WASF2: variants seen among roughly 807,000 people sequenced by gnomAD.
The protein encoded by WASF2 is actin-binding protein WASF2.
Under a neutral mutation model 45.0 loss-of-function variants are expected in WASF2, and 14 were observed. That is an observed-to-expected ratio of 0.31 (90% CI 0.21 to 0.49). The LOEUF is 0.49. Ranked by LOEUF, WASF2 falls within the 20% of genes least tolerant of loss-of-function variation. WASF2 has a pLI of 0.99. For missense variants in WASF2, 439 were observed against 636.1 expected (o/e 0.69, Z 3.33); for synonymous variants, 200 against 236.3 (o/e 0.85, Z 1.41).
At position 27,410,578 on chromosome 1, in the gene WASF2, G is replaced by C. The variant is rs773605222; in HGVS notation, c.825-372C>G. ...CTAAGAAGGATGGTCCATGGCAGTT[G>C]CTAGTTTAATCCTGGAGCCAGTTTA... On this transcript the variant is annotated intron_variant, in intron 7 of 8. Transcript: ENST00000618852. This position sits in a 1 kb window ranked among gnomAD's most constrained non-coding sequence, Gnocchi z 4.2. Among the ~76,000 whole-genome samples the C allele has an allele frequency of 2.0e-5, 3 of 152,142 alleles. No individual in the cohort carries two copies. The highest frequency in any genetic ancestry group is 4.4e-5 in the Non-Finnish European group (3 of 68,026).
intron 1 of WASF2, among the ~76,000 whole-genome samples, chr1:27,487,604 AATAT>A (rs1342453743): frequency 6.9e-5 from 7 of 101,126 alleles, no homozygotes; most frequent in African/African-American, 2.4e-4. Context: ...TATAATATAT[AATAT>A]ATATTATATA....
At position 27,410,749 on chromosome 1, in the gene WASF2, T is replaced by C. The variant is rs917400315; in HGVS notation, c.825-543A>G. 3.3e-5 allele frequency among the ~76,000 whole-genome samples: 5 copies of C among 152,176 alleles called. No individual in the cohort carries two copies. The highest frequency in any genetic ancestry group is 1.2e-4 in the African/African-American group (5 of 41,448). ...ACCACACCTGAGTGGGATATAGATT[T>C]AGGTGAATGCATCTTCAGTGCTCAT... On this transcript the variant is annotated intron_variant, in intron 7 of 8. Coordinates refer to ENST00000618852, the MANE Select transcript of WASF2 (RefSeq NM_006990.5). This position sits in a 1 kb window ranked among gnomAD's most constrained non-coding sequence, Gnocchi z 4.2.
chr1:27,412,132 A>T (rs1244551579), intron 7 of WASF2, among the ~76,000 whole-genome samples: 1 of 152,214 alleles, frequency 6.6e-6, no homozygotes, highest in Non-Finnish European at 1.5e-5. Context: ...AGCAACATAT[A>T]CATACAGTGT....
In WASF2 at chr1:27,405,642, CATAAGTGG is replaced by C. The variant is rs2016661052; in HGVS notation, c.*2539_*2546del. ...TTTTTTTTTTTTTTTGGTGCATATG[CATAAGTGG>C]AGCCCAGAGGGCCTCTCGGCTCACT... On this transcript the variant is annotated 3_prime_UTR_variant, in exon 9 of 9. Transcript: ENST00000618852. 1 of 108,098 alleles carries C rather than the reference CATAAGTGG, an allele frequency of 9.3e-6. No individual in the cohort carries two copies. The highest frequency in any genetic ancestry group is 1.7e-5 in the Non-Finnish European group (1 of 60,062). The allele number at this position is 108,098 out of a possible 1,614,324, so 6.7% of individuals were successfully genotyped here.
In WASF2 at chr1:27,444,317, T is replaced by C. The variant is rs539836201; in HGVS notation, c.-43-15384A>G. Among the ~76,000 whole-genome samples the C allele has an allele frequency of 3.9e-5, 6 of 152,156 alleles. No individual in the cohort carries two copies. The South Asian group carries it at 1.0e-3, about 26-fold the overall frequency. On this transcript the variant is annotated intron_variant, in intron 1 of 8. Coordinates refer to ENST00000618852, the MANE Select transcript of WASF2 (RefSeq NM_006990.5). Reference sequence around the variant, plus strand: ...TTGGTCTCAAACTCCTGAATTCAAGTGATCCTCCCACCTCAGCCTTCCAAA... The same window carrying C: ...TTGGTCTCAAACTCCTGAATTCAAGCGATCCTCCCACCTCAGCCTTCCAAA...
intron 1 of WASF2, among the ~76,000 whole-genome samples, chr1:27,480,866 G>A (rs112502975): frequency 0.023 from 3,436 of 149,546 alleles, 141 homozygotes; most frequent in African/African-American, 0.081. Flanking sequence ...AAAATTAGCC[G>A]GGCGTGGTGG....
intron 1 of WASF2, among the ~76,000 whole-genome samples, chr1:27,485,010 C>T (rs1269605893): frequency 6.6e-6 from 1 of 151,436 alleles, no homozygotes; most frequent in Admixed American, 6.6e-5. Context: ...CTTAGCCGGG[C>T]GTGGTGGCAG....
At chr1:27,442,351 C>G (rs977176560) in intron 1 of WASF2, among the ~76,000 whole-genome samples, 2 of 152,054 alleles carry the variant, frequency 1.3e-5, no homozygotes, top group East Asian at 3.9e-4. Flanking sequence ...CAAGACCAGC[C>G]TGGCCAATAT....
intron 1 of WASF2, among the ~76,000 whole-genome samples, chr1:27,487,782 T>C (rs1330584157): frequency 7.3e-6 from 1 of 136,284 alleles, no homozygotes; most frequent in Non-Finnish European, 1.5e-5. Context: ...ATATTTATTT[T>C]ATATTCTTAT....
At chr1:27,432,028 C>T (rs1396642409) in intron 1 of WASF2, among the ~76,000 whole-genome samples, 1 of 152,174 alleles carries the variant, frequency 6.6e-6, no homozygotes, top group African/African-American at 2.4e-5. Context: ...TGACATGCAC[C>T]ATTGCTCATT....
chr1:27,462,133 G>A (rs1232110321), intron 1 of WASF2, among the ~76,000 whole-genome samples: 1 of 151,526 alleles, frequency 6.6e-6, no homozygotes, highest in South Asian at 2.1e-4. Context: ...ACATGCCACC[G>A]TTCCCGGCGA....
At chr1:27,471,432 C>T (rs946844599) in intron 1 of WASF2, among the ~76,000 whole-genome samples, 3 of 151,208 alleles carry the variant, frequency 2.0e-5, no homozygotes, top group Non-Finnish European at 2.9e-5. Flanking sequence ...ACGGAAGAAT[C>T]GCTTGAGTCC....
At chr1:27,466,192 G>A (rs1451160583) in intron 1 of WASF2, among the ~76,000 whole-genome samples, 1 of 152,038 alleles carries the variant, frequency 6.6e-6, no homozygotes, top group African/African-American at 2.4e-5. Context: ...CAAACCCCAG[G>A]GTAACCAAAG....
chr1:27,467,627 T>C (rs908421089), intron 1 of WASF2, among the ~76,000 whole-genome samples: 3 of 150,196 alleles, frequency 2.0e-5, no homozygotes, highest in Non-Finnish European at 4.4e-5. Context: ...TTAAAATGAA[T>C]TTCCGGGGGG....
intron 1 of WASF2, among the ~76,000 whole-genome samples, chr1:27,476,484 G>GC (rs1018725119): frequency 2.0e-5 from 3 of 151,982 alleles, no homozygotes; most frequent in African/African-American, 7.3e-5. Context: ...CTCCTACCAG[G>GC]CCCCATCTCC....
intron 2 of WASF2, among the ~76,000 whole-genome samples, chr1:27,420,562 C>T (rs1452489156): frequency 6.7e-6 from 1 of 148,438 alleles, no homozygotes; most frequent in African/African-American, 2.5e-5. Flanking sequence ...GCTCTATCCC[C>T]CAGGTGGAGT....
At position 27,407,269 on chromosome 1, in the gene WASF2, T is replaced by G. The variant is rs549910860; in HGVS notation, c.*920A>C. The G allele has an allele frequency of 6.5e-6, 1 of 152,832 alleles. No individual in the cohort carries two copies. Among genetic ancestry groups the G allele is most frequent in the East Asian group, 1.9e-4 (1 of 5,184 alleles). The allele number at this position is 152,832 out of a possible 1,614,324, so 9.5% of individuals were successfully genotyped here. A position where few individuals can be genotyped will look rare whatever the true frequency, so the allele number is the denominator to read the frequency against. ...CTAGCTATGTCACTATCCAATTGTGTGACCTTGAGCAAGTCACTTCCCATC... is the reference window on the plus strand; with the variant it reads ...CTAGCTATGTCACTATCCAATTGTGGGACCTTGAGCAAGTCACTTCCCATC... On this transcript the variant is annotated 3_prime_UTR_variant, in exon 9 of 9. Coordinates refer to ENST00000618852, the MANE Select transcript of WASF2 (RefSeq NM_006990.5).
At chr1:27,423,374 A>C (rs759627850) in intron 2 of WASF2, among the ~76,000 whole-genome samples, 2 of 151,906 alleles carry the variant, frequency 1.3e-5, no homozygotes, top group African/African-American at 4.8e-5. Flanking sequence ...TTAACAGAGA[A>C]GGGGTTTCAC....
At chr1:27,441,729 G>A in intron 1 of WASF2, among the ~76,000 whole-genome samples, 1 of 143,150 alleles carries the variant, frequency 7.0e-6, no homozygotes, top group Non-Finnish European at 1.5e-5. Flanking sequence ...ACTCCAGGCT[G>A]GGTGACAGAG....
Sources: gnomAD v4.1 joint callset for allele counts (sites outside exome capture counted in the v4.1 genomes callset) on GRCh38, gnomAD v4.1.1 for gene constraint, Gnocchi (gnomAD v3.1) non-coding constraint, MANE v1.5 for transcripts, NCBI Gene and HGNC (gene_info 2026-07-23, HGNC 2026-07-21) for gene names.